The following IL1RAPL2 variants were observed in gnomAD, a reference collection of about 807,000 sequenced individuals.
IL1RAPL2 encodes the protein interleukin 1 receptor accessory protein like 2.
A neutral mutation model predicts 44.1 loss-of-function variants in IL1RAPL2; 3 were observed. That is an observed-to-expected ratio of 0.07 (90% CI 0.03 to 0.18). IL1RAPL2 has a LOEUF of 0.18. Among genes scored for constraint, IL1RAPL2 ranks in the 10% least tolerant of loss-of-function variants. IL1RAPL2 has a pLI of 1.00. For missense variants in IL1RAPL2, 391 were observed against 496.4 expected (o/e 0.79, Z 2.02); for synonymous variants, 181 against 178.8 (o/e 1.01, Z -0.10).
intron 2 of IL1RAPL2, among the ~76,000 whole-genome samples, chrX:105,114,060 G>A (rs1348737541): frequency 2.7e-5 from 3 of 111,877 alleles, no homozygotes; most frequent in African/African-American, 9.8e-5. Context: ...CCACTAAAAT[G>A]TATATGTTGA....
chrX:105,250,420 A>G (rs2034259486), intron 4 of IL1RAPL2, among the ~76,000 whole-genome samples: 1 of 111,230 alleles, frequency 9.0e-6, no homozygotes, highest in Non-Finnish European at 1.9e-5. Context: ...TCGTTCATCA[A>G]TTAGACCAAA....
chrX:104,768,026 A>G (rs887176212), intron 2 of IL1RAPL2, among the ~76,000 whole-genome samples: 32 of 112,034 alleles, frequency 2.9e-4, no homozygotes, highest in African/African-American at 1.0e-3. Context: ...CATGTCAATT[A>G]AACAATTTTA....
intron 2 of IL1RAPL2, among the ~76,000 whole-genome samples, chrX:104,671,179 T>TAC (rs763809458): frequency 6.3e-4 from 69 of 109,129 alleles, no homozygotes; most frequent in East Asian, 4.3e-3. Context: ...TGCATGTGTA[T>TAC]ACACACACAC....
chrX:105,730,195 A>C (rs1423394302), intron 7 of IL1RAPL2, among the ~76,000 whole-genome samples: 1 of 111,231 alleles, frequency 9.0e-6, no homozygotes, highest in Non-Finnish European at 1.9e-5. Context: ...AAAGGAAATG[A>C]ACAGTAAGCA....
intron 5 of IL1RAPL2, among the ~76,000 whole-genome samples, chrX:105,475,871 T>C (rs185615439): frequency 3.6e-5 from 4 of 112,411 alleles, no homozygotes; most frequent in African/African-American, 1.3e-4. Context: ...CCCTGCCTTA[T>C]ACTTAAGCTT....
At chrX:105,039,443 T>C (rs1317275997) in intron 2 of IL1RAPL2, among the ~76,000 whole-genome samples, 2 of 111,858 alleles carry the variant, frequency 1.8e-5, no homozygotes, top group African/African-American at 6.5e-5. Flanking sequence ...TTGTGTTACA[T>C]TAATTGGGAT....
At chrX:105,068,404 C>G (rs758656991) in intron 2 of IL1RAPL2, among the ~76,000 whole-genome samples, 1 of 111,803 alleles carries the variant, frequency 8.9e-6, no homozygotes, top group Admixed American at 9.5e-5. Context: ...CGTTCTTTCC[C>G]CTCTCAAAGC....
At chrX:105,441,096 A>G (rs1221997255) in intron 5 of IL1RAPL2, among the ~76,000 whole-genome samples, 1 of 111,913 alleles carries the variant, frequency 8.9e-6, no homozygotes, top group East Asian at 2.8e-4. Context: ...AATCAGTGTC[A>G]ATGTTTATTA....
At chrX:104,910,762 C>T (rs1924211205) in intron 2 of IL1RAPL2, among the ~76,000 whole-genome samples, 1 of 111,816 alleles carries the variant, frequency 8.9e-6, no homozygotes, top group African/African-American at 3.2e-5. Flanking sequence ...CACGTGCACA[C>T]CTAATTCATG....
At chrX:104,980,974 A>G in intron 2 of IL1RAPL2, among the ~76,000 whole-genome samples, 1 of 109,192 alleles carries the variant, frequency 9.2e-6, no homozygotes, top group South Asian at 3.9e-4. Context: ...TGTTTGTGTC[A>G]TCTCTGATTT....
intron 2 of IL1RAPL2, among the ~76,000 whole-genome samples, chrX:104,673,960 G>C (rs1208906192): frequency 8.0e-4 from 89 of 111,253 alleles, no homozygotes; most frequent in African/African-American, 1.5e-3. Flanking sequence ...TATCCTGAGA[G>C]TTTGCTGAAG....
At chrX:104,865,120 C>T (rs186374559) in intron 2 of IL1RAPL2, among the ~76,000 whole-genome samples, 26 of 111,091 alleles carry the variant, frequency 2.3e-4, no homozygotes, top group Middle Eastern at 4.7e-3. Context: ...TGGGAAAGGC[C>T]AAATAGAAGC....
At chrX:105,374,133 A>AG (rs1450185565) in intron 5 of IL1RAPL2, among the ~76,000 whole-genome samples, 85 of 98,732 alleles carry the variant, frequency 8.6e-4, no homozygotes, top group African/African-American at 3.5e-3. Context: ...AAAAAAAAAA[A>AG]AAAGAAAGAA....
intron 1 of IL1RAPL2, among the ~76,000 whole-genome samples, chrX:104,587,556 C>A (rs1016312172): frequency 1.8e-5 from 2 of 112,129 alleles, no homozygotes; most frequent in Non-Finnish European, 3.8e-5. Context: ...CGCATGAGCA[C>A]CCCTCCTTCT....
chrX:105,660,994 T>A (rs1223414117), intron 6 of IL1RAPL2, among the ~76,000 whole-genome samples: 1 of 110,596 alleles, frequency 9.0e-6, no homozygotes, highest in Non-Finnish European at 1.9e-5. Flanking sequence ...AGTGGTTGGA[T>A]AGATTTAAAA....
chrX:104,689,998 G>A (rs928092305), intron 2 of IL1RAPL2, among the ~76,000 whole-genome samples: 1 of 111,943 alleles, frequency 8.9e-6, no homozygotes, highest in Non-Finnish European at 1.9e-5. Context: ...CATTTGTGTG[G>A]CGCAATTGGT....
At chrX:104,622,129 C>A (rs967783449) in intron 1 of IL1RAPL2, among the ~76,000 whole-genome samples, 1 of 109,913 alleles carries the variant, frequency 9.1e-6, no homozygotes, top group African/African-American at 3.3e-5. Flanking sequence ...AAAAGAAACA[C>A]ATTTTGAAGA....
chrX:104,570,448 G>C (rs1293291546), intron 1 of IL1RAPL2, among the ~76,000 whole-genome samples: 3 of 111,924 alleles, frequency 2.7e-5, no homozygotes, highest in Non-Finnish European at 5.6e-5. Context: ...CCAGCACTTT[G>C]GGAGGCTGAG....
chrX:105,713,105 C>G (rs2038225199), intron 6 of IL1RAPL2, among the ~76,000 whole-genome samples: 1 of 112,347 alleles, frequency 8.9e-6, no homozygotes, highest in African/African-American at 3.2e-5. Flanking sequence ...CCTTCATGGG[C>G]TGGTGTTGAG....
Sources: gnomAD v4.1 joint callset for allele counts (sites outside exome capture counted in the v4.1 genomes callset) on GRCh38, gnomAD v4.1.1 for gene constraint, MANE v1.5 for transcripts, NCBI Gene and HGNC (gene_info 2026-07-23, HGNC 2026-07-21) for gene names.